CNTNAP2: variants seen among roughly 807,000 people sequenced by gnomAD.
CNTNAP2 encodes the protein contactin associated protein 2, also known as contactin-associated protein-like 2.
Under a neutral mutation model 155.2 loss-of-function variants are expected in CNTNAP2, and 98 were observed. That is an observed-to-expected ratio of 0.63 (90% confidence interval 0.54 to 0.75). The LOEUF (loss-of-function observed/expected upper bound fraction) is 0.75. CNTNAP2 is among the 30% of genes least tolerant of loss of function. The pLI is 0.00. For synonymous variants in CNTNAP2, 651 were observed against 631.2 expected, an observed-to-expected ratio of 1.03 and a Z score of -0.47; for missense variants, 1,727 against 1,688.1, an observed-to-expected ratio of 1.02 and a Z score of -0.40.
intron 14 of CNTNAP2, among the ~76,000 whole-genome samples, chr7:147,932,250 A>T (rs1484392881): frequency 6.6e-6 from 1 of 152,236 alleles, no homozygotes; most frequent in Admixed American, 6.5e-5. Context: ...AAGGATCCCA[A>T]ATAGCTAAAA....
chr7:146,895,379 A>G lies in CNTNAP2; in HGVS notation c.402+55475A>G, dbSNP rs553401495. ...TCTTTCTTTTTTCCTATTTCCTTGCATTGCAAAGCCTTCCAAATAAAACTA... is the reference window on the plus strand; with the variant it reads ...TCTTTCTTTTTTCCTATTTCCTTGCGTTGCAAAGCCTTCCAAATAAAACTA... On this transcript the variant is annotated intron_variant, in intron 3 of 23. Transcript: ENST00000361727. Among the ~76,000 whole-genome samples, 3 of 135,814 alleles carry G rather than the reference A, an allele frequency of 2.2e-5. No individual in the cohort carries two copies. The South Asian group carries it at 6.6e-4, about 30-fold the overall frequency. The allele number at this position is 135,814 out of a possible 152,430, so 89.1% of individuals were successfully genotyped here.
chr7:147,316,544 T>A (rs1003902545), intron 9 of CNTNAP2, among the ~76,000 whole-genome samples: 9 of 152,160 alleles, frequency 5.9e-5, no homozygotes, highest in Admixed American at 5.9e-4. Context: ...ATTTTATTTA[T>A]GTGGAGATGA....
rs539704760 is a variant in CNTNAP2, at chr7:146,661,206, A to C, written c.98-113065A>C. Among the ~76,000 whole-genome samples, 5 of 152,218 alleles carry C rather than the reference A, an allele frequency of 3.3e-5. No homozygotes were observed. In the South Asian group the frequency reaches 8.3e-4, roughly 25 times the overall value. ...CATGTATCTGGTACTTTATCATTTT[A>C]GCTCATATATCCACAGGCAGCCCTG... On this transcript the variant is annotated intron_variant, in intron 1 of 23. Coordinates refer to ENST00000361727, the MANE Select transcript of CNTNAP2 (RefSeq NM_014141.6).
At chr7:146,902,455 A>C (rs1043579053) in intron 3 of CNTNAP2, among the ~76,000 whole-genome samples, 13 of 152,170 alleles carry the variant, frequency 8.5e-5, no homozygotes, top group South Asian at 2.1e-4. Context: ...GTTCATACTG[A>C]ATTTTGCTAT....
chr7:147,152,097 A>G (rs1247696412), intron 8 of CNTNAP2, among the ~76,000 whole-genome samples: 1 of 152,162 alleles, frequency 6.6e-6, no homozygotes, highest in Non-Finnish European at 1.5e-5. Context: ...AGCAATGCTG[A>G]CATAGCCAAT....
intron 15 of CNTNAP2, among the ~76,000 whole-genome samples, chr7:148,041,854 C>T (rs1802682298): frequency 6.6e-6 from 1 of 152,162 alleles, no homozygotes; most frequent in South Asian, 2.1e-4. Context: ...GAGATAGAAC[C>T]TCCACGGAAT....
intron 1 of CNTNAP2, among the ~76,000 whole-genome samples, chr7:146,452,344 A>ACT (rs1266258820): frequency 6.6e-6 from 1 of 152,218 alleles, no homozygotes; most frequent in Non-Finnish European, 1.5e-5. Context: ...CCCACTTAGT[A>ACT]ATTTCCCAGT....
At chr7:147,973,998 A>T (rs528487518) in intron 14 of CNTNAP2, among the ~76,000 whole-genome samples, 1 of 152,228 alleles carries the variant, frequency 6.6e-6, no homozygotes, top group Non-Finnish European at 1.5e-5. Flanking sequence ...CGTGGCTTAT[A>T]AATTTCTATC....
chr7:148,267,938 G>A (rs1796703465), intron 21 of CNTNAP2, among the ~76,000 whole-genome samples: 1 of 152,130 alleles, frequency 6.6e-6, no homozygotes, highest in Admixed American at 6.5e-5. Flanking sequence ...ATTATTTGCA[G>A]ATAAGAAGGC....
At chr7:148,399,737 G>A (rs1437040550) in intron 22 of CNTNAP2, among the ~76,000 whole-genome samples, 1 of 152,066 alleles carries the variant, frequency 6.6e-6, no homozygotes, top group Admixed American at 6.6e-5. Context: ...AAAAGAAATA[G>A]AACTAACGGA....
At chr7:147,734,642 G>T (rs189250722) in intron 13 of CNTNAP2, among the ~76,000 whole-genome samples, 79 of 152,286 alleles carry the variant, frequency 5.2e-4, no homozygotes, top group African/African-American at 1.8e-3. Context: ...AATCTGTCTG[G>T]TCCTGCACAT....
At position 148,257,978 on chromosome 7, in the gene CNTNAP2, C is replaced by T. The variant is rs973731152; in HGVS notation, c.3382-9055C>T. Reference sequence around the variant, plus strand: ...ATTTACATACAGATACATACACGAACATGGCTCAGCCAGTGCTGACCCATT... The same window carrying T: ...ATTTACATACAGATACATACACGAATATGGCTCAGCCAGTGCTGACCCATT... On this transcript the variant is annotated intron_variant, in intron 20 of 23. Transcript: ENST00000361727. 2.9e-4 allele frequency among the ~76,000 whole-genome samples: 44 copies of T among 152,148 alleles called. 1 individual carries two copies. The highest frequency in any genetic ancestry group is 1.2e-4 in the Non-Finnish European group (8 of 68,038).
chr7:147,147,716 G>A (rs944924490), intron 8 of CNTNAP2, among the ~76,000 whole-genome samples: 7 of 152,018 alleles, frequency 4.6e-5, no homozygotes, highest in Non-Finnish European at 7.4e-5. Context: ...TTTTGCTACT[G>A]ATAACACCTG....
chr7:147,120,492 T>C (rs1438868828), intron 5 of CNTNAP2, among the ~76,000 whole-genome samples: 1 of 152,192 alleles, frequency 6.6e-6, no homozygotes, highest in South Asian at 2.1e-4. Context: ...CAGAATTCAT[T>C]GCACAGTCAT....
chr7:147,457,400 A>G (rs1206203990), intron 10 of CNTNAP2, among the ~76,000 whole-genome samples: 1 of 152,080 alleles, frequency 6.6e-6, no homozygotes, highest in African/African-American at 2.4e-5. Flanking sequence ...CATATCCTAC[A>G]TCGCTGATCA....
At chr7:147,702,966 C>T (rs1011377576) in intron 13 of CNTNAP2, among the ~76,000 whole-genome samples, 1 of 152,192 alleles carries the variant, frequency 6.6e-6, no homozygotes, top group African/African-American at 2.4e-5. Flanking sequence ...TATCATTTTT[C>T]TGCTTCTTTA....
chr7:147,565,522 A>G (rs556735448), intron 12 of CNTNAP2, among the ~76,000 whole-genome samples: 7 of 152,284 alleles, frequency 4.6e-5, no homozygotes, highest in African/African-American at 1.7e-4. Flanking sequence ...CTCTGAAGCT[A>G]TTATTGCAAA....
intron 8 of CNTNAP2, among the ~76,000 whole-genome samples, chr7:147,252,310 T>G (rs1271310304): frequency 1.3e-5 from 2 of 152,190 alleles, no homozygotes; most frequent in African/African-American, 4.8e-5. Flanking sequence ...TCTTTAAGTA[T>G]CATGAGAGTT....
At chr7:146,489,818 G>A (rs750753738) in intron 1 of CNTNAP2, among the ~76,000 whole-genome samples, 7 of 144,904 alleles carry the variant, frequency 4.8e-5, no homozygotes, top group Non-Finnish European at 1.0e-4. Flanking sequence ...GAAGTCGGGT[G>A]GTTTCTTTCT....
Sources: gnomAD v4.1 joint callset for allele counts (sites outside exome capture counted in the v4.1 genomes callset) on GRCh38, gnomAD v4.1.1 for gene constraint, MANE v1.5 for transcripts, NCBI Gene and HGNC (gene_info 2026-07-23, HGNC 2026-07-21) for gene names.